Variants in AK5 observed in about 807,000 individuals in gnomAD.
AK5 encodes the protein adenylate kinase isoenzyme 5.
A neutral mutation model predicts 69.5 loss-of-function variants in AK5; 27 were observed. The ratio of observed to expected loss-of-function variants is 0.39; its 90% CI spans 0.29 to 0.54. The LOEUF (loss-of-function observed/expected upper bound fraction) is 0.54. AK5 is among the 20% of genes least tolerant of loss of function. The pLI, the probability that AK5 is intolerant of heterozygous loss-of-function variation, is 0.71. For missense variants in AK5, 531 were observed against 700.4 expected (o/e 0.76, Z 2.73); for synonymous variants, 260 against 244.4 (o/e 1.06, Z -0.60).
intron 8 of AK5, among the ~76,000 whole-genome samples, chr1:77,450,367 G>A (rs1653069484): frequency 6.6e-6 from 1 of 152,028 alleles, no homozygotes; most frequent in Non-Finnish European, 1.5e-5. Context: ...CCAAATTACT[G>A]TATTAGTCTG....
chr1:77,449,378 G>T (rs1013168189), intron 8 of AK5, among the ~76,000 whole-genome samples: 1 of 152,184 alleles, frequency 6.6e-6, no homozygotes, highest in African/African-American at 2.4e-5. Context: ...TTTCAGAGTT[G>T]CATGGAGCCT....
chr1:77,403,401 G>C (rs916050156), intron 6 of AK5, among the ~76,000 whole-genome samples: 2 of 151,318 alleles, frequency 1.3e-5, no homozygotes, highest in African/African-American at 4.9e-5. Context: ...TATTGCCTAG[G>C]TTTTCTTCTA....
chr1:77,547,271 CTTTTT>C (rs532879024), intron 13 of AK5, among the ~76,000 whole-genome samples: 4 of 107,442 alleles, frequency 3.7e-5, no homozygotes, highest in East Asian at 2.9e-4. Context: ...ATAAAGTTCT[CTTTTT>C]TTTTTTTTTT....
chr1:77,428,104 T>C (rs1651336144), intron 8 of AK5, among the ~76,000 whole-genome samples: 1 of 152,182 alleles, frequency 6.6e-6, no homozygotes, highest in Admixed American at 6.5e-5. Flanking sequence ...TTAATGACAG[T>C]GGCTTTTTAG....
chr1:77,506,340 T>G (rs1657026081), intron 10 of AK5, among the ~76,000 whole-genome samples: 1 of 152,086 alleles, frequency 6.6e-6, no homozygotes, highest in African/African-American at 2.4e-5. Context: ...GATTTAATGG[T>G]GTTTTCTTAT....
chr1:77,355,858 C>T (rs1488527241), intron 6 of AK5, among the ~76,000 whole-genome samples: 1 of 133,888 alleles, frequency 7.5e-6, no homozygotes, highest in Non-Finnish European at 1.6e-5. Flanking sequence ...TTTTGATGAC[C>T]CTCATTAAAT....
chr1:77,365,587 G>A (rs1646936476), intron 6 of AK5, among the ~76,000 whole-genome samples: 1 of 152,210 alleles, frequency 6.6e-6, no homozygotes, highest in Admixed American at 6.5e-5. Context: ...CAGATGGTCA[G>A]GCATTAGTTA....
chr1:77,469,720 A>G (rs74092662), intron 8 of AK5, among the ~76,000 whole-genome samples: 7,339 of 152,296 alleles, frequency 0.048, 362 homozygotes, highest in East Asian at 0.19. Flanking sequence ...CCTCATTTTC[A>G]TGTCCTCATG....
At chr1:77,519,487 C>T (rs1262256553) in intron 11 of AK5, among the ~76,000 whole-genome samples, 2 of 152,176 alleles carry the variant, frequency 1.3e-5, no homozygotes, top group East Asian at 3.9e-4. Context: ...GGTCCCAATC[C>T]AGACCCCAAG....
chr1:77,309,594 T>G (rs1211621906), intron 5 of AK5, among the ~76,000 whole-genome samples: 2 of 152,210 alleles, frequency 1.3e-5, no homozygotes, highest in Non-Finnish European at 2.9e-5. Context: ...ATTTTATTAG[T>G]GAACTTTCAT....
In AK5 at chr1:77,559,833, G is replaced by A. The variant is rs920810428; in HGVS notation, c.*1163G>A. ...GTCACTACAAAAAAGCATAGTTTCAGTTTGCATGAATTTTTTTTTTTTTCT... is the reference window on the plus strand; with the variant it reads ...GTCACTACAAAAAAGCATAGTTTCAATTTGCATGAATTTTTTTTTTTTTCT... On this transcript the variant is annotated 3_prime_UTR_variant, in exon 14 of 14. Coordinates refer to ENST00000354567, the MANE Select transcript of AK5 (RefSeq NM_174858.3). 5.3e-5 allele frequency: 8 copies of A among 151,596 alleles called. No individual in the cohort carries two copies. The highest frequency in any genetic ancestry group is 1.9e-4 in the African/African-American group (8 of 41,034). 9.4% of individuals were successfully genotyped at this position (151,596 alleles called of 1,614,324 possible). A position where few individuals can be genotyped will look rare whatever the true frequency, so the allele number is the denominator to read the frequency against.
At chr1:77,505,283 G>A (rs1227411388) in intron 10 of AK5, among the ~76,000 whole-genome samples, 7 of 152,172 alleles carry the variant, frequency 4.6e-5, no homozygotes, top group African/African-American at 1.7e-4. Context: ...GATAGTGCTG[G>A]AAATGACCTT....
intron 5 of AK5, among the ~76,000 whole-genome samples, chr1:77,339,750 A>G (rs918623428): frequency 6.0e-5 from 9 of 150,976 alleles, no homozygotes; most frequent in Non-Finnish European, 1.0e-4. Flanking sequence ...GGTTCAAGCA[A>G]TTCTCTTGCC....
chr1:77,307,182 T>C (rs1052055001), intron 5 of AK5, among the ~76,000 whole-genome samples: 2 of 151,920 alleles, frequency 1.3e-5, no homozygotes, highest in Non-Finnish European at 2.9e-5. Flanking sequence ...TCAGGATGCA[T>C]CTTTAGATTA....
intron 12 of AK5, among the ~76,000 whole-genome samples, chr1:77,529,279 A>G (rs1054339414): frequency 5.3e-5 from 8 of 151,416 alleles, no homozygotes; most frequent in African/African-American, 1.9e-4. Context: ...TACACATTTC[A>G]TTTGATTAAT....
chr1:77,354,819 A>G (rs1393148938), intron 6 of AK5, among the ~76,000 whole-genome samples: 2 of 152,178 alleles, frequency 1.3e-5, no homozygotes, highest in Admixed American at 6.5e-5. Context: ...GAATTTCCAC[A>G]ATTGCTGTCA....
intron 1 of AK5, 130 bp from the exon 2 acceptor site, chr1:77,286,811 C>T: frequency 2.0e-6 from 1 of 492,860 alleles, no homozygotes; most frequent in Non-Finnish European, 3.1e-6. Context: ...TGTGCCACTG[C>T]ACTCCAGCCT....
intron 6 of AK5, among the ~76,000 whole-genome samples, chr1:77,368,253 A>ATATT (rs1553140304): frequency 5.2e-5 from 2 of 38,666 alleles, no homozygotes; most frequent in African/African-American, 1.1e-4. Context: ...ATATATATAT[A>ATATT]ATATATATGT....
At chr1:77,400,186 T>C (rs1017296251) in intron 6 of AK5, among the ~76,000 whole-genome samples, 2 of 152,176 alleles carry the variant, frequency 1.3e-5, no homozygotes, top group African/African-American at 4.8e-5. Context: ...CTAAGACTAC[T>C]TCCAAAAGCC....
Sources: allele counts gnomAD v4.1 joint callset (sites outside exome capture counted in the v4.1 genomes callset), GRCh38; gene constraint gnomAD v4.1.1; transcripts MANE v1.5; gene names NCBI Gene and HGNC (gene_info 2026-07-23, HGNC 2026-07-21).